The following TMEM62 variants were observed in gnomAD, a reference collection of about 807,000 sequenced individuals.
TMEM62 encodes transmembrane protein 62.
Under a neutral mutation model 70.4 loss-of-function variants are expected in TMEM62, and 41 were observed. That is an observed-to-expected ratio of 0.58 (90% CI 0.45 to 0.76). The LOEUF (loss-of-function observed/expected upper bound fraction) is 0.76. TMEM62 is among the 30% of genes least tolerant of loss of function. The pLI is 0.00. For synonymous variants in TMEM62, 268 were observed against 291.0 expected, an observed-to-expected ratio of 0.92 and a Z score of 0.80; for missense variants, 688 against 788.5, an observed-to-expected ratio of 0.87 and a Z score of 1.53.
At chr15:43,149,785 C>T (rs2037141921) in intron 7 of TMEM62, among the ~76,000 whole-genome samples, 1 of 152,098 alleles carries the variant, frequency 6.6e-6, no homozygotes, top group African/African-American at 2.4e-5. Context: ...AATACTAGGA[C>T]TAGAAGTGTC....
At position 43,169,550 on chromosome 15, in the gene TMEM62, G is replaced by T. The variant is rs926610559; in HGVS notation, c.1297-43G>T. Reference sequence around the variant, plus strand: ...TACTTTAAAAATCTTAACTGAAAGTGTACCCATGTATCTATTTCACGTTAA... The same window carrying T: ...TACTTTAAAAATCTTAACTGAAAGTTTACCCATGTATCTATTTCACGTTAA... On this transcript the variant is annotated intron_variant, in intron 10 of 13. Transcript: ENST00000260403. 3.3e-6 allele frequency: 5 copies of T among 1,516,158 alleles called. No individual in the cohort carries two copies. The African/African-American group carries it at 6.9e-5, about 21-fold the overall frequency. 93.9% of individuals were successfully genotyped at this position (1,516,158 alleles called of 1,614,324 possible).
In TMEM62 at chr15:43,133,634, C is replaced by T. The variant is rs999838254; in HGVS notation, c.-169C>T. On this transcript the variant is annotated 5_prime_UTR_variant, in exon 1 of 14. Coordinates refer to ENST00000260403, the MANE Select transcript of TMEM62 (RefSeq NM_024956.4). ...GGTGCTGGGCGGCGGCTGACGGGCG[C>T]AGCACCCTAGGCCCAGTGTCTGGCT... 14 of 437,906 alleles carry T rather than the reference C, an allele frequency of 3.2e-5. No individual in the cohort carries two copies. The highest frequency in any genetic ancestry group is 4.9e-5 in the Non-Finnish European group (13 of 266,634). 27.1% of individuals were successfully genotyped at this position (437,906 alleles called of 1,614,324 possible).
intron 10 of TMEM62, among the ~76,000 whole-genome samples, chr15:43,161,753 TG>T (rs756725108): frequency 6.5e-4 from 99 of 152,246 alleles, no homozygotes; most frequent in Non-Finnish European, 1.2e-3. Flanking sequence ...CTCCACCTCC[TG>T]GGTTCAAGTG....
At chr15:43,157,187 A>G (rs111868792) in intron 9 of TMEM62, among the ~76,000 whole-genome samples, 98 of 152,242 alleles carry the variant, frequency 6.4e-4, no homozygotes, top group African/African-American at 2.3e-3. Context: ...TCAATTTTCA[A>G]TGTGGGTCCT....
chr15:43,174,873 A>G (rs2040568548), intron 11 of TMEM62, among the ~76,000 whole-genome samples: 1 of 152,248 alleles, frequency 6.6e-6, no homozygotes, highest in Non-Finnish European at 1.5e-5. Flanking sequence ...GGACCTAAGC[A>G]TCAGTATCTT....
At chr15:43,156,850 A>G (rs746713793) in intron 9 of TMEM62, among the ~76,000 whole-genome samples, 4 of 152,160 alleles carry the variant, frequency 2.6e-5, no homozygotes, top group Non-Finnish European at 5.9e-5. Context: ...CCTACAAACA[A>G]TATGATACAT....
chr15:43,178,177 G>A (rs1350152916), intron 11 of TMEM62, among the ~76,000 whole-genome samples: 1 of 151,916 alleles, frequency 6.6e-6, no homozygotes, highest in Non-Finnish European at 1.5e-5. Flanking sequence ...AGAAAACAGA[G>A]ACTTGATCAT....
chr15:43,139,586 C>T (rs749491325), intron 4 of TMEM62, among the ~76,000 whole-genome samples: 3 of 152,202 alleles, frequency 2.0e-5, no homozygotes, highest in Non-Finnish European at 2.9e-5. Flanking sequence ...ATTAAAAGTG[C>T]TCCTCCAGTG....
At chr15:43,153,949 A>G (rs1341812539) in intron 8 of TMEM62, among the ~76,000 whole-genome samples, 6 of 152,210 alleles carry the variant, frequency 3.9e-5, no homozygotes. Context: ...ACCATTTTAC[A>G]TTCCCACCAG....
chr15:43,135,539 A>T lies in TMEM62; in HGVS notation c.320A>T (p.Glu107Val). 6.2e-7 allele frequency: 1 copy of T among 1,608,694 alleles called. No homozygotes were observed. Among genetic ancestry groups the T allele is most frequent in the East Asian group, 2.2e-5 (1 of 44,782 alleles). Residue 107 changes from glutamate (E) to valine (V), a missense_variant, in exon 3 of 14, where the codon GAA (glutamate) becomes GTA (valine). Transcript: ENST00000260403. ...GACCTGACAGATGCCAAAACAAAGG[A>T]ACAGTTGGGATCCAGGCAGCATGAG... ...TGDLTDAKTK[E>V]QLGSRQHEVE... is the part of the protein sequence containing the mutation.
At chr15:43,158,005 A>T (rs1834643) in intron 9 of TMEM62, among the ~76,000 whole-genome samples, 4 of 151,580 alleles carry the variant, frequency 2.6e-5, no homozygotes, top group Non-Finnish European at 2.9e-5. Flanking sequence ...TCTTTTTTGT[A>T]CCCTTAAAAT....
chr15:43,181,243 T>A lies in TMEM62; in HGVS notation c.1549T>A (p.Phe517Ile). 6.2e-7 allele frequency: 1 copy of A among 1,614,032 alleles called. No individual in the cohort carries two copies. Among genetic ancestry groups the A allele is most frequent in the Non-Finnish European group, 8.5e-7 (1 of 1,179,964 alleles). ...KFGCCFSFGI[F>I]VNGHFLQGSI... Reference sequence around the variant, plus strand: ...TGGTTGCTGCTTTTCCTTTGGGATATTTGTTAATGGACATTTCCTACAAGG... The same window carrying A: ...TGGTTGCTGCTTTTCCTTTGGGATAATTGTTAATGGACATTTCCTACAAGG... Residue 517 changes from phenylalanine (F) to isoleucine (I), a missense_variant, in exon 13 of 14, where the codon TTT becomes ATT. Transcript: ENST00000260403.
chr15:43,155,711 G>A (rs140369639), intron 9 of TMEM62, among the ~76,000 whole-genome samples: 1 of 152,210 alleles, frequency 6.6e-6, no homozygotes, highest in Non-Finnish European at 1.5e-5. Flanking sequence ...AAATTCCCCA[G>A]TATACCCAAA....
rs1240251379 is a variant in TMEM62, at chr15:43,185,095, C to T, written c.*509C>T. Reference sequence around the variant, plus strand: ...ATTGTGGGCTCTCTGCTTCCTTAGTCGGAAGTGTTTTCAACTAATCAAATA... The same window carrying T: ...ATTGTGGGCTCTCTGCTTCCTTAGTTGGAAGTGTTTTCAACTAATCAAATA... On this transcript the variant is annotated 3_prime_UTR_variant, in exon 14 of 14. Coordinates refer to ENST00000260403, the MANE Select transcript of TMEM62 (RefSeq NM_024956.4). 4 of 261,630 alleles carry T rather than the reference C, an allele frequency of 1.5e-5. 1 individual carries two copies. The highest frequency in any genetic ancestry group is 3.0e-5 in the Non-Finnish European group (4 of 134,776). The allele number at this position is 261,630 out of a possible 1,614,324, so 16.2% of individuals were successfully genotyped here. A position where few individuals can be genotyped will look rare whatever the true frequency, so the allele number is the denominator to read the frequency against.
At chr15:43,167,505 C>T (rs1400551636) in intron 10 of TMEM62, among the ~76,000 whole-genome samples, 1 of 150,914 alleles carries the variant, frequency 6.6e-6, no homozygotes. Flanking sequence ...GGCAGAGGCG[C>T]TCCCCACATC....
At chr15:43,150,718 T>A (rs2037259843) in intron 7 of TMEM62, among the ~76,000 whole-genome samples, 1 of 152,178 alleles carries the variant, frequency 6.6e-6, no homozygotes, top group East Asian at 1.9e-4. Flanking sequence ...TATTTCGACA[T>A]GTCGATTCCA....
At chr15:43,165,039 T>C (rs2039218482) in intron 10 of TMEM62, among the ~76,000 whole-genome samples, 1 of 152,162 alleles carries the variant, frequency 6.6e-6, no homozygotes, top group African/African-American at 2.4e-5. Flanking sequence ...CGTTAGGTAG[T>C]CTTATTTGGG....
chr15:43,134,128 T>A, intron 1 of TMEM62, 129 bp from the exon 2 acceptor site: 1 of 1,444,290 alleles, frequency 6.9e-7, no homozygotes, highest in Non-Finnish European at 9.3e-7. Context: ...GGCCCTGTCC[T>A]TACCTGGGGG....
intron 10 of TMEM62, among the ~76,000 whole-genome samples, chr15:43,163,546 G>A (rs989699943): frequency 6.6e-6 from 1 of 152,108 alleles, no homozygotes; most frequent in Non-Finnish European, 1.5e-5. Flanking sequence ...ACTTTGGGAG[G>A]CTGAGGCGGG....
Sources: gnomAD v4.1 joint callset for allele counts (sites outside exome capture counted in the v4.1 genomes callset) on GRCh38, gnomAD v4.1.1 for gene constraint, MANE v1.5 for transcripts, NCBI Gene and HGNC (gene_info 2026-07-23, HGNC 2026-07-21) for gene names.